MBOAT2: variants seen among roughly 807,000 people sequenced by gnomAD.
MBOAT2 encodes membrane-bound glycerophospholipid O-acyltransferase 2.
A neutral mutation model predicts 63.4 loss-of-function variants in MBOAT2; 28 were observed. The observed-to-expected ratio is 0.44, with a 90% CI of 0.33 to 0.61. The LOEUF is 0.61. MBOAT2 is among the 20% of genes least tolerant of loss of function. The pLI is 0.03. For missense variants in MBOAT2, 470 were observed against 605.8 expected, an observed-to-expected ratio of 0.78 and a Z score of 2.35; for synonymous variants, 211 against 215.6, an observed-to-expected ratio of 0.98 and a Z score of 0.19.
intron 3 of MBOAT2, among the ~76,000 whole-genome samples, chr2:8,936,786 C>CAAAAAAAAAAAAAAAAAAAAAAAAAA (rs745694357): frequency 1.8e-5 from 1 of 56,340 alleles, no homozygotes; most frequent in Non-Finnish European, 3.5e-5. Flanking sequence ...GACTCCGTCT[C>CAAAAAAAAAAAAAAAAAAAAAAAAAA]AAAAAAAAAA....
At chr2:8,888,207 G>C in intron 4 of MBOAT2, 134 bp from the exon 5 acceptor site, 2 of 754,040 alleles carry the variant, frequency 2.7e-6, no homozygotes, top group Non-Finnish European at 4.3e-6. Flanking sequence ...AGACCTCCAA[G>C]GGATTTCAGC....
intron 2 of MBOAT2, among the ~76,000 whole-genome samples, chr2:8,953,818 T>C (rs901009855): frequency 5.3e-5 from 8 of 152,212 alleles, no homozygotes; most frequent in Non-Finnish European, 1.2e-4. Context: ...TCTTCCTTCA[T>C]TTCCTGGATT....
chr2:8,884,904 A>ATT (rs1346760030), intron 5 of MBOAT2, among the ~76,000 whole-genome samples: 1 of 152,190 alleles, frequency 6.6e-6, no homozygotes, highest in African/African-American at 2.4e-5. Context: ...ACAAGATATC[A>ATT]TTTTTTAAAG....
At position 8,913,419 on chromosome 2, in the gene MBOAT2, C is replaced by A. The variant is rs1279533133; in HGVS notation, c.300-4703G>T. ...AGGCAACCCACAGAGAAAATCCTCA[C>A]AATCTATATACATCTAACAAAGAAA... On this transcript the variant is annotated intron_variant, in intron 3 of 12. Transcript: ENST00000305997. Among the ~76,000 whole-genome samples, 4 of 151,842 alleles carry A rather than the reference C, an allele frequency of 2.6e-5. No individual in the cohort carries two copies. In the South Asian group the frequency reaches 6.3e-4, roughly 24 times the overall value.
At chr2:8,916,476 T>C (rs1666185920) in intron 3 of MBOAT2, among the ~76,000 whole-genome samples, 1 of 152,190 alleles carries the variant, frequency 6.6e-6, no homozygotes, top group South Asian at 2.1e-4. Flanking sequence ...CACTTACGTG[T>C]TGGATATAGA....
chr2:8,882,471 G>C (rs2148540386), intron 6 of MBOAT2, 40 bp downstream of exon 6: 1 of 1,605,804 alleles, frequency 6.2e-7, no homozygotes, highest in East Asian at 2.2e-5. Flanking sequence ...CTAGGCAGGG[G>C]CGCAGGAAGC....
intron 3 of MBOAT2, among the ~76,000 whole-genome samples, chr2:8,919,375 T>C (rs555891809): frequency 6.6e-6 from 1 of 152,358 alleles, no homozygotes; most frequent in South Asian, 2.1e-4. Context: ...ATATCCTCAC[T>C]AATGCTGGGT....
At position 8,864,245 on chromosome 2, in the gene MBOAT2, A is replaced by G. The variant is rs1337752868; in HGVS notation, c.988-11T>C. 6.5e-7 allele frequency: 1 copy of G among 1,536,738 alleles called. No homozygotes were observed. The highest frequency in any genetic ancestry group is 2.1e-5 in the Admixed American group (1 of 46,684). On this transcript the variant is annotated splice_polypyrimidine_tract_variant and intron_variant, in intron 9 of 12. Coordinates refer to ENST00000305997, the MANE Select transcript of MBOAT2 (RefSeq NM_138799.4). ...GAAACTTGTTGACATCTGAAAAAAA[A>G]GGAAACTTTTTTCTTTGTGTCACAA... is the stretch of plus-strand genomic sequence containing the variant.
intron 5 of MBOAT2, among the ~76,000 whole-genome samples, chr2:8,884,722 G>A (rs1476030102): frequency 1.3e-5 from 2 of 152,152 alleles, no homozygotes; most frequent in African/African-American, 4.8e-5. Context: ...TCAGAGAAGC[G>A]ATTACTGCTT....
At chr2:8,949,517 A>G (rs939738933) in intron 2 of MBOAT2, among the ~76,000 whole-genome samples, 1 of 151,806 alleles carries the variant, frequency 6.6e-6, no homozygotes, top group Non-Finnish European at 1.5e-5. Context: ...TAATTTTTGT[A>G]CATGGTGAAA....
intron 5 of MBOAT2, among the ~76,000 whole-genome samples, chr2:8,887,338 T>C (rs1355510910): frequency 7.9e-6 from 1 of 126,684 alleles, no homozygotes; most frequent in Non-Finnish European, 1.7e-5. Context: ...AAAATTCTCC[T>C]CTCTCTCTCT....
chr2:8,955,350 G>C (rs1420891123), intron 2 of MBOAT2, among the ~76,000 whole-genome samples: 1 of 152,162 alleles, frequency 6.6e-6, no homozygotes, highest in Non-Finnish European at 1.5e-5. Flanking sequence ...CCCTCAGACT[G>C]GGTTGCTCAG....
chr2:8,989,721 T>C (rs1468553978), intron 1 of MBOAT2, among the ~76,000 whole-genome samples: 1 of 152,190 alleles, frequency 6.6e-6, no homozygotes, highest in African/African-American at 2.4e-5. Flanking sequence ...TCCAGAAAGT[T>C]TGCAAGCATG....
In MBOAT2 at chr2:8,854,026, G is replaced by A. The variant is rs1320901386; in HGVS notation, c.*4653C>T. 3 of 152,174 alleles carry A rather than the reference G, an allele frequency of 2.0e-5. No homozygotes were observed. The highest frequency in any genetic ancestry group is 2.9e-5 in the Non-Finnish European group (2 of 68,028). The allele number at this position is 152,174 out of a possible 1,614,324, so 9.4% of individuals were successfully genotyped here. A position where few individuals can be genotyped will look rare whatever the true frequency, so the allele number is the denominator to read the frequency against. On this transcript the variant is annotated 3_prime_UTR_variant, in exon 13 of 13. Transcript: ENST00000305997. ...TGGCTGCAACCTCTGTACAAGAAAA[G>A]CCTCAAAAAGCAGCTTAAGCATTGA...
chr2:8,896,256 A>AAAAG (rs1449348532), intron 4 of MBOAT2, among the ~76,000 whole-genome samples: 1 of 151,814 alleles, frequency 6.6e-6, no homozygotes, highest in South Asian at 2.1e-4. Context: ...AAAAAAAAAA[A>AAAAG]AAAGAGTTGT....
At chr2:8,963,417 C>T (rs1669760137) in intron 1 of MBOAT2, among the ~76,000 whole-genome samples, 1 of 152,144 alleles carries the variant, frequency 6.6e-6, no homozygotes. Flanking sequence ...GATTCTCCTG[C>T]CTCAGCCTCC....
chr2:8,959,895 A>G (rs898123183), intron 1 of MBOAT2, among the ~76,000 whole-genome samples: 1 of 152,236 alleles, frequency 6.6e-6, no homozygotes, highest in African/African-American at 2.4e-5. Flanking sequence ...CAAAACAATC[A>G]GTGTTTCAGG....
chr2:8,860,827 C>T (rs1661441403), intron 11 of MBOAT2, 63 bp from the exon 12 acceptor site: 1 of 1,269,320 alleles, frequency 7.9e-7, no homozygotes, highest in African/African-American at 1.5e-5. Flanking sequence ...TGCAGTTACA[C>T]TGGTGATATC....
intron 7 of MBOAT2, among the ~76,000 whole-genome samples, chr2:8,873,842 T>A (rs1368841907): frequency 6.6e-6 from 1 of 152,214 alleles, no homozygotes; most frequent in Non-Finnish European, 1.5e-5. Flanking sequence ...AGAATTTGCA[T>A]AAAAGACCCT....
Sources: gnomAD v4.1 joint callset for allele counts (sites outside exome capture counted in the v4.1 genomes callset) on GRCh38, gnomAD v4.1.1 for gene constraint, MANE v1.5 for transcripts, NCBI Gene and HGNC (gene_info 2026-07-23, HGNC 2026-07-21) for gene names.